The following RPS6KA5 variants were observed in gnomAD, a reference collection of about 807,000 sequenced individuals.
The protein encoded by RPS6KA5 is ribosomal protein S6 kinase alpha-5.
A neutral mutation model predicts 85.5 loss-of-function variants in RPS6KA5; 27 were observed. The observed-to-expected ratio is 0.32, with a 90% CI of 0.23 to 0.44. RPS6KA5 has a LOEUF of 0.44. Among genes scored for constraint, RPS6KA5 ranks in the 20% least tolerant of loss-of-function variants. The pLI, the probability that RPS6KA5 is intolerant of heterozygous loss-of-function variation, is 1.00. For synonymous variants in RPS6KA5, 334 were observed against 348.2 expected (o/e 0.96, Z 0.46); for missense variants, 811 against 980.9 (o/e 0.83, Z 2.31).
chr14:90,960,432 T>A (rs548598636), intron 3 of RPS6KA5, among the ~76,000 whole-genome samples: 51 of 152,144 alleles, frequency 3.4e-4, no homozygotes, highest in Non-Finnish European at 7.1e-4. Context: ...TGGGCTAGAG[T>A]TAGCAGTGGC....
At chr14:90,906,330 A>G in intron 7 of RPS6KA5, 31 bp from the exon 8 acceptor site, 2 of 1,527,082 alleles carry the variant, frequency 1.3e-6, no homozygotes, top group African/African-American at 1.5e-5. Context: ...CTGTTAAAAC[A>G]AACAGGATGA....
intron 3 of RPS6KA5, among the ~76,000 whole-genome samples, chr14:90,961,925 A>C (rs1000242614): frequency 6.6e-6 from 1 of 152,178 alleles, no homozygotes; most frequent in African/African-American, 2.4e-5. Flanking sequence ...GAGGATCTGA[A>C]TTTGGCAACA....
At position 90,923,732 on chromosome 14, in the gene RPS6KA5, A is replaced by G. The variant is rs1045751711; in HGVS notation, c.619-536T>C. Among the ~76,000 whole-genome samples the G allele has an allele frequency of 8.5e-5, 13 of 152,084 alleles. 1 individual carries two copies. Among genetic ancestry groups the G allele is most frequent in the Non-Finnish European group, 1.6e-4 (11 of 67,996 alleles). On this transcript the variant is annotated intron_variant, in intron 5 of 16. Transcript: ENST00000614987. ...TAAAAATTTTTTTTTCTACCTTACC[A>G]TCTTGTGTAGGTTTGACAACGCTAA...
At chr14:90,938,820 C>A (rs1230154369) in intron 5 of RPS6KA5, among the ~76,000 whole-genome samples, 2 of 152,182 alleles carry the variant, frequency 1.3e-5, no homozygotes, top group East Asian at 3.9e-4. Context: ...ATTTTTTCCT[C>A]CTAAACCTCC....
rs188857993 is a variant in RPS6KA5, at chr14:90,947,869, T to C, written c.395-319A>G. 3.9e-5 allele frequency among the ~76,000 whole-genome samples: 6 copies of C among 152,352 alleles called. No individual in the cohort carries two copies. In the East Asian group the frequency reaches 1.2e-3, roughly 29 times the overall value. Reference sequence around the variant, plus strand: ...ACCTCTGCCATAACCATATAATGCATACTTAACCTACTCTGGAGTACCAAA... The same window carrying C: ...ACCTCTGCCATAACCATATAATGCACACTTAACCTACTCTGGAGTACCAAA... On this transcript the variant is annotated intron_variant, in intron 3 of 16. Coordinates refer to ENST00000614987, the MANE Select transcript of RPS6KA5 (RefSeq NM_004755.4).
chr14:90,991,755 G>A (rs2040318783), intron 2 of RPS6KA5, among the ~76,000 whole-genome samples: 1 of 142,106 alleles, frequency 7.0e-6, no homozygotes, highest in African/African-American at 2.6e-5. Flanking sequence ...AGATAGAGAA[G>A]AATCCAAAAA....
chr14:91,051,368 C>T (rs1347414228), intron 1 of RPS6KA5, among the ~76,000 whole-genome samples: 1 of 152,088 alleles, frequency 6.6e-6, no homozygotes, highest in African/African-American at 2.4e-5. Context: ...TGCTTGAGCC[C>T]AGGAGTTCAA....
At position 91,020,534 on chromosome 14, in the gene RPS6KA5, C is replaced by G. The variant is rs569224447; in HGVS notation, c.104-19375G>C. Among the ~76,000 whole-genome samples, 444 of 110,014 alleles carry G rather than the reference C, an allele frequency of 4.0e-3. 5 individuals carry two copies. Among genetic ancestry groups the G allele is most frequent in the South Asian group, 1.0e-2 (31 of 3,106 alleles). The allele number at this position is 110,014 out of a possible 152,430, so 72.2% of individuals were successfully genotyped here. A position where few individuals can be genotyped will look rare whatever the true frequency, so the allele number is the denominator to read the frequency against. ...ATCTCCTATGGATGCTAAGGAATGA[C>G]TGTGTGTGTGTGTGTGTGTGTGTGT... On this transcript the variant is annotated intron_variant, in intron 1 of 16. Coordinates refer to ENST00000614987, the MANE Select transcript of RPS6KA5 (RefSeq NM_004755.4).
Position 90,925,760 on chromosome 14 carries a change from G to A in RPS6KA5, c.619-2564C>T, listed in dbSNP as rs146180171. Among the ~76,000 whole-genome samples the A allele has an allele frequency of 1.1e-3, 169 of 150,418 alleles. 1 individual carries two copies. The highest frequency in any genetic ancestry group is 4.0e-3 in the African/African-American group (163 of 40,786). On this transcript the variant is annotated intron_variant, in intron 5 of 16. Transcript: ENST00000614987. ...AGCCTGGGCAAGATGGTGAAACCCT[G>A]TCTCTACAAAAAAATTAAAAAAAAA...
chr14:90,997,068 A>G (rs150248037), intron 2 of RPS6KA5, among the ~76,000 whole-genome samples: 172 of 152,346 alleles, frequency 1.1e-3, no homozygotes, highest in African/African-American at 3.8e-3. Flanking sequence ...TTAAAGTATA[A>G]GCATATAATA....
At chr14:90,992,153 A>G (rs1433670989) in intron 2 of RPS6KA5, among the ~76,000 whole-genome samples, 6 of 152,200 alleles carry the variant, frequency 3.9e-5, no homozygotes, top group Non-Finnish European at 8.8e-5. Flanking sequence ...ATTTTTGAAT[A>G]AAAATTGAGA....
chr14:90,974,871 T>C (rs2039494271), intron 3 of RPS6KA5, among the ~76,000 whole-genome samples: 1 of 152,210 alleles, frequency 6.6e-6, no homozygotes, highest in African/African-American at 2.4e-5. Context: ...AAATTTTAGG[T>C]GGTTTGTTAT....
At chr14:90,880,808 T>C (rs2033786828) in intron 14 of RPS6KA5, among the ~76,000 whole-genome samples, 1 of 151,966 alleles carries the variant, frequency 6.6e-6, no homozygotes, top group Non-Finnish European at 1.5e-5. Context: ...GAGGACCCTC[T>C]GACCCTCTTT....
At position 91,004,509 on chromosome 14, in the gene RPS6KA5, AG is replaced by A. The variant is rs1281182901; in HGVS notation, c.104-3351del. Among the ~76,000 whole-genome samples the A allele has an allele frequency of 2.0e-5, 3 of 152,172 alleles. No individual in the cohort carries two copies. The East Asian group carries it at 5.8e-4, about 29-fold the overall frequency. On this transcript the variant is annotated intron_variant, in intron 1 of 16. Coordinates refer to ENST00000614987, the MANE Select transcript of RPS6KA5 (RefSeq NM_004755.4). ...TCCTTTGGTTCTTGTCTTTGCTCAA[AG>A]GAAAAATTAAAGACATCTGAGCACC...
rs577320961 is a variant in RPS6KA5, at chr14:91,023,632, T to C, written c.104-22473A>G. ...AATCTTGAAGGCAGTTAGTTGGATA[T>C]AACTCTTGCTTTGTACTTTCTTTCC... On this transcript the variant is annotated intron_variant, in intron 1 of 16. Coordinates refer to ENST00000614987, the MANE Select transcript of RPS6KA5 (RefSeq NM_004755.4). Among the ~76,000 whole-genome samples, 5 of 150,596 alleles carry C rather than the reference T, an allele frequency of 3.3e-5. No homozygotes were observed. In the South Asian group the frequency reaches 8.5e-4, roughly 26 times the overall value.
chr14:90,997,983 G>C (rs1325098870), intron 2 of RPS6KA5, among the ~76,000 whole-genome samples: 1 of 148,540 alleles, frequency 6.7e-6, no homozygotes, highest in African/African-American at 2.5e-5. Context: ...ACTCCAACCT[G>C]GGTGGCACAG....
At position 90,995,250 on chromosome 14, in the gene RPS6KA5, G is replaced by A. The variant is rs1354825487; in HGVS notation, c.175+5838C>T. The stretch of plus-strand genomic sequence containing the variant: ...CATGCTGGCCTCAGCCTCCCAAAGT[G>A]CTGTGATTACAAGCACGAGCCACCG... On this transcript the variant is annotated intron_variant, in intron 2 of 16. Transcript: ENST00000614987. 3.9e-5 allele frequency among the ~76,000 whole-genome samples: 6 copies of A among 152,216 alleles called. No homozygotes were observed. In the East Asian group the frequency reaches 1.2e-3, roughly 29 times the overall value.
At chr14:91,005,747 T>C (rs960864204) in intron 1 of RPS6KA5, among the ~76,000 whole-genome samples, 1 of 152,222 alleles carries the variant, frequency 6.6e-6, no homozygotes, top group East Asian at 1.9e-4. Context: ...CTCTTAATTG[T>C]TAACCTAAGA....
chr14:91,010,717 G>T (rs1384319226), intron 1 of RPS6KA5, among the ~76,000 whole-genome samples: 1 of 152,160 alleles, frequency 6.6e-6, no homozygotes, highest in African/African-American at 2.4e-5. Context: ...AAATGGGAAA[G>T]AATCATATGA....
Sources: gnomAD v4.1 joint callset for allele counts (sites outside exome capture counted in the v4.1 genomes callset) on GRCh38, gnomAD v4.1.1 for gene constraint, MANE v1.5 for transcripts, NCBI Gene and HGNC (gene_info 2026-07-23, HGNC 2026-07-21) for gene names.